PTPRA: variants seen among roughly 807,000 people sequenced by gnomAD.
The protein encoded by PTPRA is receptor-type tyrosine-protein phosphatase alpha.
A neutral mutation model predicts 104.8 loss-of-function variants in PTPRA; 25 were observed. The ratio of observed to expected loss-of-function variants is 0.24; its 90% CI spans 0.17 to 0.33. The LOEUF (loss-of-function observed/expected upper bound fraction) is 0.33, where lower values mean the gene tolerates loss of function less well. PTPRA is among the 10% of genes least tolerant of loss of function. The pLI is 1.00. For synonymous variants in PTPRA, 323 were observed against 368.9 expected (o/e 0.88, Z 1.43); for missense variants, 765 against 1,015.3 (o/e 0.75, Z 3.35).
At position 2,958,658 on chromosome 20, in the gene PTPRA, TAAAAAAAAAAAA is replaced by T. The variant is rs71195806; in HGVS notation, c.-6-5598_-6-5587del. ...CAACATGGTGAAACCCCATCTCTAC[TAAAAAAAAAAAA>T]AAAAAAAAAAAAAAAGAAATACAAA... is the stretch of plus-strand genomic sequence containing the variant. On this transcript the variant is annotated intron_variant, in intron 3 of 23. Coordinates refer to ENST00000399903, the MANE Select transcript of PTPRA (RefSeq NM_001385305.1). 7.2e-4 allele frequency among the ~76,000 whole-genome samples: 45 copies of T among 62,278 alleles called. 1 individual carries two copies. The highest frequency in any genetic ancestry group is 8.9e-4 in the Non-Finnish European group (29 of 32,420). 40.9% of individuals were successfully genotyped at this position (62,278 alleles called of 152,430 possible).
At chr20:2,864,739 G>A in the PTPRA span, 38 of 1,413,034 alleles carry the variant, frequency 2.7e-5, no homozygotes, top group South Asian at 2.5e-4. The surrounding 1 kb of genome is among the most constrained non-coding windows in gnomAD (Gnocchi z 5.2). Context: ...CTAGGCCTTC[G>A]TGTTGGGTGC....
Position 2,965,129 on chromosome 20 carries a change from G to A in PTPRA, c.342G>A (p.Thr114=), listed in dbSNP as rs147992825. 21 of 1,613,980 alleles carry A rather than the reference G, an allele frequency of 1.3e-5. No homozygotes were observed. Among genetic ancestry groups the A allele is most frequent in the Middle Eastern group, 1.6e-4 (1 of 6,084 alleles). The change falls in exon 5 of 24, where the codon ACG becomes ACA. Residue 114 remains threonine (T), a synonymous_variant. Transcript: ENST00000399903. ...NGTWLPDNQF[T]DARTEPWEGN... is the part of the protein sequence containing the mutation. ...CGTGGCTTCCAGATAACCAGTTCAC[G>A]GATGCCAGAACAGAACCCTGGGAGG...
chr20:2,930,029 A>G lies in PTPRA; in HGVS notation c.-50+6744A>G, dbSNP rs529450502. 9.8e-5 allele frequency among the ~76,000 whole-genome samples: 15 copies of G among 152,294 alleles called. No individual in the cohort carries two copies. The South Asian group carries it at 2.9e-3, about 29-fold the overall frequency. On this transcript the variant is annotated intron_variant, in intron 2 of 23. Transcript: ENST00000399903. Reference sequence around the variant, plus strand: ...AGGAGAGAGGTCTCATAGGAAACCAAACTTGCTGACACTTTCATCTTGGAC... The same window carrying G: ...AGGAGAGAGGTCTCATAGGAAACCAGACTTGCTGACACTTTCATCTTGGAC...
intron 1 of PTPRA, among the ~76,000 whole-genome samples, chr20:2,909,653 A>AATG (rs1349301774): frequency 6.7e-6 from 1 of 150,350 alleles, no homozygotes; most frequent in Non-Finnish European, 1.5e-5. Context: ...ATAGTAAATG[A>AATG]ATGAGTGCAG....
intron 1 of PTPRA, among the ~76,000 whole-genome samples, chr20:2,921,518 A>G (rs1299179591): frequency 6.6e-6 from 1 of 151,980 alleles, no homozygotes; most frequent in Non-Finnish European, 1.5e-5. Flanking sequence ...GGAATACTGG[A>G]TAGTACAAAA....
At chr20:2,914,720 T>C (rs2059838737) in intron 1 of PTPRA, among the ~76,000 whole-genome samples, 1 of 152,162 alleles carries the variant, frequency 6.6e-6, no homozygotes, top group East Asian at 1.9e-4. Context: ...GACTGAATTA[T>C]TTGGAGACGA....
chr20:2,927,592 T>G (rs1448442367), intron 2 of PTPRA, among the ~76,000 whole-genome samples: 2 of 152,184 alleles, frequency 1.3e-5, no homozygotes, highest in Non-Finnish European at 1.5e-5. Context: ...TGGGCACTGT[T>G]TTTTAGGCTG....
Position 3,007,377 on chromosome 20 carries a change from A to C in PTPRA, c.863A>C (p.Glu288Ala). ...TCTAGAGTCCACCTGACACCGGTTG[A>C]AGGGGTTCCAGATTCTGATTACATC... Reference protein sequence around the residue: ...DHSRVHLTPVEGVPDSDYINA... With the variant: ...DHSRVHLTPVAGVPDSDYINA... The change falls in exon 11 of 24, where the codon GAA (glutamate) becomes GCA (alanine). Residue 288 changes from glutamate to alanine, a missense_variant. Physicochemically the swap from Glu to Ala is moderately radical, Grantham distance 107. Coordinates refer to ENST00000399903, the MANE Select transcript of PTPRA (RefSeq NM_001385305.1). The C allele has an allele frequency of 6.2e-7, 1 of 1,614,146 alleles. No individual in the cohort carries two copies. The highest frequency in any genetic ancestry group is 8.5e-7 in the Non-Finnish European group (1 of 1,179,972).
chr20:2,912,575 G>A (rs1312371370), intron 1 of PTPRA, among the ~76,000 whole-genome samples: 3 of 152,126 alleles, frequency 2.0e-5, no homozygotes, highest in Admixed American at 2.0e-4. Context: ...AGTGAGCTGA[G>A]ATCGCACCTC....
chr20:3,015,987 G>A, intron 12 of PTPRA, 102 bp downstream of exon 12: 1 of 1,161,592 alleles, frequency 8.6e-7, no homozygotes, highest in South Asian at 1.4e-5. Context: ...GAATGCTGTA[G>A]CTTTTCTGTA....
At chr20:2,933,895 T>C (rs2060597113) in intron 2 of PTPRA, among the ~76,000 whole-genome samples, 1 of 152,236 alleles carries the variant, frequency 6.6e-6, no homozygotes, top group African/African-American at 2.4e-5. Flanking sequence ...TTCTTTTTAA[T>C]ATTTAGGAAG....
In PTPRA at chr20:3,038,294, G is replaced by T; in HGVS notation, c.*161G>T. On this transcript the variant is annotated 3_prime_UTR_variant, in exon 24 of 24. Transcript: ENST00000399903. Reference sequence around the variant, plus strand: ...AGGTGGAAATTTTATATGTAAATGTGTTAGCACTGATAGTCCTTTTTCCAA... The same window carrying T: ...AGGTGGAAATTTTATATGTAAATGTTTTAGCACTGATAGTCCTTTTTCCAA... 1 of 608,766 alleles carries T rather than the reference G, an allele frequency of 1.6e-6. No individual in the cohort carries two copies. 37.7% of individuals were successfully genotyped at this position (608,766 alleles called of 1,614,324 possible).
At chr20:2,869,981 T>C (rs182808799), upstream of PTPRA, among the ~76,000 whole-genome samples, 21 of 150,306 alleles carry the variant, frequency 1.4e-4, no homozygotes, top group Non-Finnish European at 2.2e-4. Context: ...CTTAAAAATA[T>C]ATATATATAT....
At chr20:3,008,759 AC>A (rs1310032169) in intron 11 of PTPRA, among the ~76,000 whole-genome samples, 2,870 of 127,150 alleles carry the variant, frequency 0.023, 77 homozygotes, top group African/African-American at 0.085. Flanking sequence ...AAAAAAAAAA[AC>A]AACTTAGCCG....
At chr20:2,871,534 A>G (rs972464928), upstream of PTPRA, among the ~76,000 whole-genome samples, 2 of 152,210 alleles carry the variant, frequency 1.3e-5, no homozygotes, top group African/African-American at 4.8e-5. Context: ...TAATCAACAA[A>G]AAGAAACATA....
chr20:2,891,828 C>T (rs563339540), intron 1 of PTPRA, among the ~76,000 whole-genome samples: 43 of 152,108 alleles, frequency 2.8e-4, no homozygotes, highest in Non-Finnish European at 4.9e-4. Flanking sequence ...CTATGCACAT[C>T]CTCCTGTGTA....
At chr20:2,994,219 C>T (rs185714258) in intron 9 of PTPRA, among the ~76,000 whole-genome samples, 18 of 152,236 alleles carry the variant, frequency 1.2e-4, no homozygotes, top group African/African-American at 3.6e-4. Flanking sequence ...TGTGTTAATG[C>T]GCTGTGGCAG....
At position 2,980,908 on chromosome 20, in the gene PTPRA, G is replaced by A. The variant is rs150331957; in HGVS notation, c.442+5667G>A. Among the ~76,000 whole-genome samples the A allele has an allele frequency of 1.0e-3, 152 of 152,156 alleles. 2 individuals are homozygous for A. Among genetic ancestry groups the A allele is most frequent in the Non-Finnish European group, 1.7e-3 (117 of 68,008 alleles). ...CTTCAGAAGACAAACATGGACATAC[G>A]TCCTAAACCAGGAAGGGGTTCAGTG... is the stretch of plus-strand genomic sequence containing the variant. On this transcript the variant is annotated intron_variant, in intron 6 of 23. Coordinates refer to ENST00000399903, the MANE Select transcript of PTPRA (RefSeq NM_001385305.1).
At chr20:2,939,981 A>C (rs1408070847) in intron 2 of PTPRA, among the ~76,000 whole-genome samples, 1 of 152,116 alleles carries the variant, frequency 6.6e-6, no homozygotes, top group Non-Finnish European at 1.5e-5. Context: ...ATGGTGGGGG[A>C]CGCCTGTAAT....
Sources: gnomAD v4.1 joint callset for allele counts (sites outside exome capture counted in the v4.1 genomes callset) on GRCh38, gnomAD v4.1.1 for gene constraint, Gnocchi (gnomAD v3.1) non-coding constraint, MANE v1.5 for transcripts, NCBI Gene and HGNC (gene_info 2026-07-23, HGNC 2026-07-21) for gene names.